FER: variants seen among roughly 807,000 people sequenced by gnomAD.
FER encodes FER tyrosine kinase.
A neutral mutation model predicts 111.0 loss-of-function variants in FER; 63 were observed. The ratio of observed to expected loss-of-function variants is 0.57; its 90% CI spans 0.46 to 0.70. The LOEUF (loss-of-function observed/expected upper bound fraction) is 0.70. Among genes scored for constraint, FER ranks in the 30% least tolerant of loss-of-function variants. The pLI is 0.00. For missense variants in FER, 914 were observed against 954.0 expected (o/e 0.96, Z 0.55); for synonymous variants, 327 against 313.9 (o/e 1.04, Z -0.44).
intron 17 of FER, among the ~76,000 whole-genome samples, chr5:109,167,895 G>A: frequency 6.6e-6 from 1 of 152,040 alleles, no homozygotes; most frequent in East Asian, 1.9e-4. Context: ...TGAACAGAAG[G>A]AAAAATAGCT....
At position 108,798,373 on chromosome 5, in the gene FER, T is replaced by G; in HGVS notation, c.191T>G (p.Val64Gly). Residue 64 changes from valine to glycine, a missense_variant, in exon 3 of 20, where the codon GTC becomes GGC. Physicochemically the swap from Val to Gly is moderately radical, Grantham distance 109. This residue lies in a region of FER where 774 missense variants were observed against 782.6 expected (regional missense o/e 0.99). Coordinates refer to ENST00000281092, the MANE Select transcript of FER (RefSeq NM_005246.4). The stretch of plus-strand genomic sequence containing the variant: ...GAAAGTACTGTCCAAATGAATTATG[T>G]CAGCAACGTATCCAAGGTAAGAAGA... ...DKESTVQMNY[V>G]SNVSKSWLLM... 6.2e-7 allele frequency: 1 copy of G among 1,612,166 alleles called. No individual in the cohort carries two copies. The highest frequency in any genetic ancestry group is 2.2e-5 in the East Asian group (1 of 44,850).
At chr5:109,127,010 C>G (rs1186951730) in intron 17 of FER, among the ~76,000 whole-genome samples, 1 of 152,152 alleles carries the variant, frequency 6.6e-6, no homozygotes, top group Non-Finnish European at 1.5e-5. Flanking sequence ...ATAATAAGCT[C>G]TATCTTAGCC....
intron 17 of FER, among the ~76,000 whole-genome samples, chr5:109,143,076 G>A (rs1753698806): frequency 6.6e-6 from 1 of 152,118 alleles, no homozygotes; most frequent in African/African-American, 2.4e-5. Context: ...ACCCATCTAT[G>A]TTGAGTCACA....
chr5:108,849,421 G>A (rs1307949059), intron 5 of FER, among the ~76,000 whole-genome samples: 1 of 151,830 alleles, frequency 6.6e-6, no homozygotes, highest in Non-Finnish European at 1.5e-5. Context: ...CTTCTGCAAT[G>A]CCTAATTGCC....
chr5:108,898,392 T>C (rs1445990623), intron 10 of FER, among the ~76,000 whole-genome samples: 1 of 152,066 alleles, frequency 6.6e-6, no homozygotes, highest in African/African-American at 2.4e-5. Flanking sequence ...ATGCCTAGTA[T>C]AAAGTCTTTC....
rs756243916 is a variant in FER at position 108,762,530 on chromosome 5, T to A, written c.-205-5563T>A. Among the ~76,000 whole-genome samples, 64 of 152,332 alleles carry A rather than the reference T, an allele frequency of 4.2e-4. 1 individual carries two copies. The highest frequency in any genetic ancestry group is 3.4e-3 in the Middle Eastern group (1 of 294). On this transcript the variant is annotated intron_variant, in intron 1 of 19. Coordinates refer to ENST00000281092, the MANE Select transcript of FER (RefSeq NM_005246.4). The stretch of plus-strand genomic sequence containing the variant: ...TCCTTTTTAGACGTAAGAGATCATG[T>A]CTTTTCTTGCTCAGAATCTTTCAGG...
chr5:108,959,372 CTGTT>C (rs1051690989), intron 13 of FER, 25 bp downstream of exon 13: 25 of 1,560,668 alleles, frequency 1.6e-5, no homozygotes, highest in African/African-American at 2.8e-5. Context: ...ACTTTTTTGT[CTGTT>C]TGTTTTAAAA....
chr5:108,833,649 C>T (rs895784451), intron 4 of FER, among the ~76,000 whole-genome samples: 3 of 152,004 alleles, frequency 2.0e-5, no homozygotes, highest in African/African-American at 7.2e-5. Flanking sequence ...CCGAGGAAGG[C>T]GGATCACGAG....
At chr5:109,049,194 G>A (rs1772403494) in intron 16 of FER, among the ~76,000 whole-genome samples, 1 of 152,202 alleles carries the variant, frequency 6.6e-6, no homozygotes, top group Non-Finnish European at 1.5e-5. Context: ...AGGGCTTAAA[G>A]TGACACCCAT....
Position 109,144,022 on chromosome 5 carries a change from G to A in FER, c.2049-36725G>A, listed in dbSNP as rs562341823. 2.6e-5 allele frequency among the ~76,000 whole-genome samples: 4 copies of A among 152,008 alleles called. No individual in the cohort carries two copies. In the South Asian group the frequency reaches 8.3e-4, roughly 32 times the overall value. On this transcript the variant is annotated intron_variant, in intron 17 of 19. Coordinates refer to ENST00000281092, the MANE Select transcript of FER (RefSeq NM_005246.4). ...CAATGTCTAAGCTCCATGAGGAAAG[G>A]AATTTATTTTGTTTATTGCTGTGTT... is the stretch of plus-strand genomic sequence containing the variant.
At chr5:108,839,787 C>T (rs1761072538) in intron 5 of FER, among the ~76,000 whole-genome samples, 1 of 151,916 alleles carries the variant, frequency 6.6e-6, no homozygotes, top group Non-Finnish European at 1.5e-5. Context: ...CTGTGTTAGC[C>T]AGGATGGTCG....
intron 5 of FER, among the ~76,000 whole-genome samples, chr5:108,845,892 T>A (rs1325515427): frequency 6.6e-6 from 1 of 152,216 alleles, no homozygotes; most frequent in Non-Finnish European, 1.5e-5. Flanking sequence ...TTTGTTAATA[T>A]GGTTATTTTG....
At chr5:109,113,310 A>G (rs1376874312) in intron 17 of FER, among the ~76,000 whole-genome samples, 1 of 152,184 alleles carries the variant, frequency 6.6e-6, no homozygotes, top group African/African-American at 2.4e-5. Flanking sequence ...GGAGTCCCAC[A>G]TTAAGCAGCG....
intron 10 of FER, among the ~76,000 whole-genome samples, chr5:108,937,649 T>C (rs1272547831): frequency 6.6e-6 from 1 of 151,718 alleles, no homozygotes; most frequent in African/African-American, 2.4e-5. Flanking sequence ...GGTTGGAGGA[T>C]AGTGTGGTAG....
At chr5:109,060,365 C>G (rs75136711) in intron 16 of FER, among the ~76,000 whole-genome samples, 2 of 152,168 alleles carry the variant, frequency 1.3e-5, no homozygotes, top group Non-Finnish European at 2.9e-5. Flanking sequence ...AGCTCAGTCT[C>G]TTTTAAGTTG....
At chr5:109,126,219 C>T (rs938784281) in intron 17 of FER, among the ~76,000 whole-genome samples, 2 of 152,188 alleles carry the variant, frequency 1.3e-5, no homozygotes, top group African/African-American at 2.4e-5. Context: ...TCCTTTCCCC[C>T]TTCCTTGCAC....
intron 10 of FER, among the ~76,000 whole-genome samples, chr5:108,927,115 A>G (rs1169077230): frequency 6.6e-6 from 1 of 151,914 alleles, no homozygotes; most frequent in Non-Finnish European, 1.5e-5. Flanking sequence ...TCCCTCTCCT[A>G]TTATAATACA....
intron 17 of FER, among the ~76,000 whole-genome samples, chr5:109,121,995 GC>G (rs530393418): frequency 5.6e-4 from 85 of 150,858 alleles, no homozygotes; most frequent in South Asian, 8.4e-4. Context: ...TCTTAGTCTG[GC>G]TAAAGGTTTA....
intron 10 of FER, among the ~76,000 whole-genome samples, chr5:108,919,226 T>A (rs1025167469): frequency 6.6e-6 from 1 of 151,814 alleles, no homozygotes; most frequent in African/African-American, 2.4e-5. Flanking sequence ...TTTTTTTTTT[T>A]AAATCAGAGT....
Sources: gnomAD v4.1 joint callset for allele counts (sites outside exome capture counted in the v4.1 genomes callset) on GRCh38, gnomAD v4.1.1 for gene constraint, gnomAD v4.1.1 regional missense constraint, MANE v1.5 for transcripts, NCBI Gene and HGNC (gene_info 2026-07-23, HGNC 2026-07-21) for gene names.